The following HS6ST3 variants were observed in gnomAD, a reference collection of about 807,000 sequenced individuals.
The protein encoded by HS6ST3 is heparan-sulfate 6-O-sulfotransferase 3.
Under a neutral mutation model 36.7 loss-of-function variants are expected in HS6ST3, and 12 were observed. That is an observed-to-expected ratio of 0.33 (90% CI 0.21 to 0.53). The LOEUF (loss-of-function observed/expected upper bound fraction) is 0.53, where lower values mean the gene tolerates loss of function less well. Ranked by LOEUF, HS6ST3 falls within the 20% of genes least tolerant of loss-of-function variation. The pLI is 0.95. For synonymous variants in HS6ST3, 240 were observed against 257.5 expected, an observed-to-expected ratio of 0.93 and a Z score of 0.65; for missense variants, 584 against 640.9, an observed-to-expected ratio of 0.91 and a Z score of 0.96.
intron 1 of HS6ST3, among the ~76,000 whole-genome samples, chr13:96,103,510 A>T (rs1016949645): frequency 1.6e-4 from 24 of 152,216 alleles, no homozygotes; most frequent in Admixed American, 1.4e-3. Context: ...AAGCAAGCGT[A>T]AATAAATTTA....
intron 1 of HS6ST3, among the ~76,000 whole-genome samples, chr13:96,549,314 T>G (rs1032874175): frequency 6.6e-6 from 1 of 152,196 alleles, no homozygotes; most frequent in Non-Finnish European, 1.5e-5. Context: ...TGTGGTTGAA[T>G]GCAAGCGTTC....
intron 1 of HS6ST3, among the ~76,000 whole-genome samples, chr13:96,321,610 C>T (rs1212541172): frequency 1.3e-5 from 2 of 152,176 alleles, no homozygotes; most frequent in African/African-American, 4.8e-5. Context: ...TTCACTGTCT[C>T]TCACTGTCCT....
intron 1 of HS6ST3, among the ~76,000 whole-genome samples, chr13:96,605,539 C>T (rs1453890286): frequency 1.3e-5 from 2 of 152,008 alleles, no homozygotes; most frequent in East Asian, 3.9e-4. Context: ...TACGATCATC[C>T]ACATCCATTT....
At chr13:96,130,329 C>A (rs2053969716) in intron 1 of HS6ST3, among the ~76,000 whole-genome samples, 1 of 152,058 alleles carries the variant, frequency 6.6e-6, no homozygotes, top group Non-Finnish European at 1.5e-5. Flanking sequence ...TGTCCTGGAA[C>A]CTTAACCCTT....
chr13:96,591,731 A>G (rs1336101685), intron 1 of HS6ST3, among the ~76,000 whole-genome samples: 1 of 151,986 alleles, frequency 6.6e-6, no homozygotes, highest in Non-Finnish European at 1.5e-5. Flanking sequence ...TTCCAATACC[A>G]TATGTAATAA....
intron 1 of HS6ST3, among the ~76,000 whole-genome samples, chr13:96,166,021 GTTATTTAT>G (rs143510611): frequency 0.16 from 23,241 of 144,592 alleles, 2,094 homozygotes; most frequent in Admixed American, 0.22. Flanking sequence ...GGTGGAAGGG[GTTATTTAT>G]TTATTTATTT....
At chr13:96,736,683 A>G (rs573140052) in intron 1 of HS6ST3, among the ~76,000 whole-genome samples, 1 of 152,362 alleles carries the variant, frequency 6.6e-6, no homozygotes, top group South Asian at 2.1e-4. Flanking sequence ...AACATTTGCA[A>G]AAATTAATAT....
rs138500412 is a variant in HS6ST3, at chr13:96,266,337, G to A, written c.707+174768G>A. Reference sequence around the variant, plus strand: ...GGGTTTGGTGCAGGCATTACAATATGCAGAGATTGGAGAATCATTTGCAAA... The same window carrying A: ...GGGTTTGGTGCAGGCATTACAATATACAGAGATTGGAGAATCATTTGCAAA... On this transcript the variant is annotated intron_variant, in intron 1 of 1. Transcript: ENST00000376705. 7.2e-4 allele frequency among the ~76,000 whole-genome samples: 109 copies of A among 152,292 alleles called. 2 individuals are homozygous for A. Among genetic ancestry groups the A allele is most frequent in the African/African-American group, 2.5e-3 (105 of 41,572 alleles).
At chr13:96,448,865 C>T (rs541680205) in intron 1 of HS6ST3, among the ~76,000 whole-genome samples, 4 of 152,258 alleles carry the variant, frequency 2.6e-5, no homozygotes, top group East Asian at 1.9e-4. Context: ...ATGCCCTGCA[C>T]GTTAGCAGCC....
intron 1 of HS6ST3, among the ~76,000 whole-genome samples, chr13:96,771,776 C>G (rs1272860864): frequency 6.6e-6 from 1 of 152,144 alleles, no homozygotes; most frequent in East Asian, 1.9e-4. Context: ...ATGGAAAAAA[C>G]TCCTGAATAC....
At chr13:96,230,443 TTG>T (rs1203443049) in intron 1 of HS6ST3, among the ~76,000 whole-genome samples, 2 of 152,096 alleles carry the variant, frequency 1.3e-5, no homozygotes, top group Non-Finnish European at 2.9e-5. Context: ...GATGCTGAAT[TTG>T]CGGTTCCAAG....
intron 1 of HS6ST3, among the ~76,000 whole-genome samples, chr13:96,761,735 T>G (rs1217836513): frequency 6.6e-6 from 1 of 152,210 alleles, no homozygotes; most frequent in African/African-American, 2.4e-5. Context: ...TACATAAGTA[T>G]TATATTGTGA....
At chr13:96,378,238 C>G (rs2055324053) in intron 1 of HS6ST3, among the ~76,000 whole-genome samples, 1 of 152,170 alleles carries the variant, frequency 6.6e-6, no homozygotes, top group Non-Finnish European at 1.5e-5. Flanking sequence ...TCCCCACCTT[C>G]TTCAGTCCTG....
chr13:96,208,471 T>C (rs2054382972), intron 1 of HS6ST3, among the ~76,000 whole-genome samples: 1 of 152,214 alleles, frequency 6.6e-6, no homozygotes, highest in African/African-American at 2.4e-5. Flanking sequence ...GCCAGAAATG[T>C]AAATTTAGTA....
At chr13:96,303,755 G>T (rs1378350283) in intron 1 of HS6ST3, among the ~76,000 whole-genome samples, 4 of 152,154 alleles carry the variant, frequency 2.6e-5, no homozygotes, top group African/African-American at 9.7e-5. Flanking sequence ...GTTTTGCATT[G>T]ATTTTGGCTG....
At chr13:96,128,997 C>T (rs1373601114) in intron 1 of HS6ST3, among the ~76,000 whole-genome samples, 1 of 151,974 alleles carries the variant, frequency 6.6e-6, no homozygotes, top group Non-Finnish European at 1.5e-5. Flanking sequence ...AAGTGCTCAC[C>T]ACCACACCTG....
chr13:96,760,896 G>T (rs950522007), intron 1 of HS6ST3, among the ~76,000 whole-genome samples: 2 of 151,894 alleles, frequency 1.3e-5, no homozygotes, highest in Non-Finnish European at 2.9e-5. Context: ...TATTTTCTTT[G>T]TACCCACATT....
intron 1 of HS6ST3, among the ~76,000 whole-genome samples, chr13:96,344,500 A>T (rs1297292312): frequency 1.3e-5 from 2 of 152,154 alleles, no homozygotes; most frequent in Non-Finnish European, 2.9e-5. Flanking sequence ...TAGTATCTTG[A>T]CCTTATATTT....
chr13:96,258,015 G>A (rs2054645631), intron 1 of HS6ST3, among the ~76,000 whole-genome samples: 1 of 149,900 alleles, frequency 6.7e-6, no homozygotes, highest in Non-Finnish European at 1.5e-5. Context: ...TGTCATCACT[G>A]TCATCAATAT....
Sources: gnomAD v4.1 joint callset for allele counts (sites outside exome capture counted in the v4.1 genomes callset) on GRCh38, gnomAD v4.1.1 for gene constraint, MANE v1.5 for transcripts, NCBI Gene and HGNC (gene_info 2026-07-23, HGNC 2026-07-21) for gene names.